CTIF: variants seen among roughly 807,000 people sequenced by gnomAD.
The protein encoded by CTIF is cap binding complex dependent translation initiation factor.
A neutral mutation model predicts 66.0 loss-of-function variants in CTIF; 21 were observed. The observed-to-expected ratio is 0.32, with a 90% CI of 0.23 to 0.46. The LOEUF (loss-of-function observed/expected upper bound fraction) is 0.46. CTIF is among the 20% of genes least tolerant of loss of function. The pLI is 1.00. For synonymous variants in CTIF, 345 were observed against 326.4 expected, an observed-to-expected ratio of 1.06 and a Z score of -0.62; for missense variants, 739 against 812.7, an observed-to-expected ratio of 0.91 and a Z score of 1.10.
Position 48,842,534 on chromosome 18 carries a change from C to T in CTIF, c.1528-15054C>T, listed in dbSNP as rs1025173573. The stretch of plus-strand genomic sequence containing the variant: ...TCACAGTGTTCCCAGGATTAATGTT[C>T]CGCCTCAGAAGAGCAGCCTACCCCC... On this transcript the variant is annotated intron_variant, in intron 10 of 11. Coordinates refer to ENST00000256413, the MANE Select transcript of CTIF (RefSeq NM_014772.3). Among the ~76,000 whole-genome samples the T allele has an allele frequency of 3.7e-5, 5 of 135,200 alleles. No individual in the cohort carries two copies. In the East Asian group the frequency reaches 9.9e-4, roughly 27 times the overall value. 88.7% of individuals were successfully genotyped at this position (135,200 alleles called of 152,430 possible). A position where few individuals can be genotyped will look rare whatever the true frequency, so the allele number is the denominator to read the frequency against.
At chr18:48,804,289 C>G (rs2068100880) in intron 9 of CTIF, among the ~76,000 whole-genome samples, 1 of 152,234 alleles carries the variant, frequency 6.6e-6, no homozygotes, top group Admixed American at 6.5e-5. Flanking sequence ...TCCCCGTCTC[C>G]CTCCAGACAA....
chr18:48,778,848 A>T (rs1251122924), intron 9 of CTIF, among the ~76,000 whole-genome samples: 1 of 152,226 alleles, frequency 6.6e-6, no homozygotes, highest in Non-Finnish European at 1.5e-5. Context: ...GGGACACATC[A>T]GTCCAGCAGG....
chr18:48,815,872 GAC>G (rs1376477428), intron 9 of CTIF, among the ~76,000 whole-genome samples: 1 of 152,178 alleles, frequency 6.6e-6, no homozygotes, highest in Non-Finnish European at 1.5e-5. Flanking sequence ...TTTTGGTGGT[GAC>G]ACAGTCACCC....
chr18:48,854,128 A>T (rs1243731352), intron 10 of CTIF, among the ~76,000 whole-genome samples: 1 of 152,166 alleles, frequency 6.6e-6, no homozygotes, highest in African/African-American at 2.4e-5. Context: ...GCAGAGATGA[A>T]TTTGGCACTG....
intron 9 of CTIF, among the ~76,000 whole-genome samples, chr18:48,783,045 A>T (rs1911387296): frequency 6.6e-6 from 1 of 152,180 alleles, no homozygotes; most frequent in South Asian, 2.1e-4. Context: ...ATTAACATTT[A>T]CCTGTCCTGG....
intron 9 of CTIF, among the ~76,000 whole-genome samples, chr18:48,815,458 C>G (rs892854229): frequency 1.3e-5 from 2 of 152,250 alleles, no homozygotes; most frequent in African/African-American, 2.4e-5. Context: ...ATATCCTTGG[C>G]TCAGTGTCTG....
intron 9 of CTIF, among the ~76,000 whole-genome samples, chr18:48,816,722 G>A (rs1413271762): frequency 2.0e-5 from 3 of 152,228 alleles, no homozygotes; most frequent in Non-Finnish European, 4.4e-5. Context: ...TAGCTGTGTA[G>A]CCCAGTGCTG....
chr18:48,616,900 G>A (rs925265999), intron 1 of CTIF, among the ~76,000 whole-genome samples: 2 of 152,210 alleles, frequency 1.3e-5, no homozygotes, highest in African/African-American at 4.8e-5. Context: ...CAAAAGCACA[G>A]AGGCAGGAAA....
At chr18:48,820,308 C>G (rs1422756327) in intron 10 of CTIF, among the ~76,000 whole-genome samples, 1 of 152,334 alleles carries the variant, frequency 6.6e-6, no homozygotes, top group East Asian at 1.9e-4. Context: ...AAGCCATTTG[C>G]TGCCTCATAA....
chr18:48,625,106 G>C, intron 2 of CTIF: 1 of 453,368 alleles, frequency 2.2e-6, no homozygotes, highest in South Asian at 9.6e-5. Flanking sequence ...CCTGTTCACT[G>C]TTCCCTCGCC....
In CTIF at chr18:48,649,438, G is replaced by C. The variant is rs369849262; in HGVS notation, c.252+12753G>C. 5.9e-5 allele frequency among the ~76,000 whole-genome samples: 9 copies of C among 152,356 alleles called. No individual in the cohort carries two copies. The South Asian group carries it at 1.0e-3, about 18-fold the overall frequency. On this transcript the variant is annotated intron_variant, in intron 3 of 11. Coordinates refer to ENST00000256413, the MANE Select transcript of CTIF (RefSeq NM_014772.3). Reference sequence around the variant, plus strand: ...TTGCTGACGCTTGAGTAGGTAAACAGAGCAGCTGGGGAAGCTCGAACTGGG... The same window carrying C: ...TTGCTGACGCTTGAGTAGGTAAACACAGCAGCTGGGGAAGCTCGAACTGGG...
chr18:48,540,380 G>C (rs1473376740), intron 1 of CTIF: 1 of 151,650 alleles, frequency 6.6e-6, no homozygotes, highest in South Asian at 2.1e-4. Flanking sequence ...GCGGGCGGGG[G>C]GGCGATGGCT....
intron 9 of CTIF, among the ~76,000 whole-genome samples, chr18:48,778,862 C>T (rs573218545): frequency 4.6e-5 from 7 of 152,310 alleles, no homozygotes; most frequent in African/African-American, 7.2e-5. Flanking sequence ...CAGCAGGTCG[C>T]GCTGGTCCCT....
intron 9 of CTIF, among the ~76,000 whole-genome samples, chr18:48,778,904 TG>T (rs1910950317): frequency 6.6e-6 from 1 of 152,188 alleles, no homozygotes; most frequent in Non-Finnish European, 1.5e-5. Flanking sequence ...TGTTTCTTTT[TG>T]TTCTGGCTGA....
rs530269688 is a variant in CTIF at position 48,860,210 on chromosome 18, G to C, written c.*651G>C. ...TCAGGCCTAGGGGGTCAGGCGCAGC[G>C]GGGGAGATGGAGTTTGCAGTTCCAC... On this transcript the variant is annotated 3_prime_UTR_variant, in exon 12 of 12. Coordinates refer to ENST00000256413, the MANE Select transcript of CTIF (RefSeq NM_014772.3). 12 of 337,262 alleles carry C rather than the reference G, an allele frequency of 3.6e-5. No individual in the cohort carries two copies. The East Asian group carries it at 9.2e-4, about 26-fold the overall frequency. 20.9% of individuals were successfully genotyped at this position (337,262 alleles called of 1,614,324 possible).
rs145287479 is a variant in CTIF, at chr18:48,783,606, C to T, written c.1371+21917C>T. On this transcript the variant is annotated intron_variant, in intron 9 of 11. Transcript: ENST00000256413. ...CCTGGGGAGGCCTCCGACCCTGGGG[C>T]TGCATGCCTCACCCTGACAGTAACT... Among the ~76,000 whole-genome samples the T allele has an allele frequency of 6.6e-4, 100 of 152,266 alleles. 1 individual carries two copies. Among genetic ancestry groups the T allele is most frequent in the African/African-American group, 2.3e-3 (97 of 41,550 alleles).
At chr18:48,822,935 T>C (rs1273345681) in intron 10 of CTIF, among the ~76,000 whole-genome samples, 1 of 152,236 alleles carries the variant, frequency 6.6e-6, no homozygotes, top group African/African-American at 2.4e-5. Context: ...TCTTTTCATA[T>C]ACCTGCTGGC....
intron 7 of CTIF, among the ~76,000 whole-genome samples, chr18:48,720,703 G>A (rs1237797527): frequency 1.3e-5 from 2 of 152,098 alleles, no homozygotes; most frequent in Admixed American, 6.5e-5. Flanking sequence ...AGATGTCCAG[G>A]TCCATGCTTG....
At chr18:48,727,416 G>A (rs948842738) in intron 7 of CTIF, among the ~76,000 whole-genome samples, 1 of 152,176 alleles carries the variant, frequency 6.6e-6, no homozygotes, top group Non-Finnish European at 1.5e-5. Flanking sequence ...AAGGTAGCAT[G>A]TCTTTGCAGC....
Sources: gnomAD v4.1 joint callset for allele counts (sites outside exome capture counted in the v4.1 genomes callset) on GRCh38, gnomAD v4.1.1 for gene constraint, MANE v1.5 for transcripts, NCBI Gene and HGNC (gene_info 2026-07-23, HGNC 2026-07-21) for gene names.